Variants in CADM2 observed in about 807,000 individuals in gnomAD.
CADM2 encodes the protein cell adhesion molecule 2.
Under a neutral mutation model 49.8 loss-of-function variants are expected in CADM2, and 12 were observed. The ratio of observed to expected loss-of-function variants is 0.24; its 90% confidence interval spans 0.15 to 0.39. The LOEUF (loss-of-function observed/expected upper bound fraction) is 0.39, where lower values mean the gene tolerates loss of function less well. CADM2 is among the 10% of genes least tolerant of loss of function. CADM2 has a pLI of 1.00. For synonymous variants in CADM2, 214 were observed against 175.4 expected (o/e 1.22, Z -1.74); for missense variants, 378 against 492.3 (o/e 0.77, Z 2.20).
At chr3:85,166,518 T>C (rs2040474180) in intron 1 of CADM2, among the ~76,000 whole-genome samples, 1 of 151,850 alleles carries the variant, frequency 6.6e-6, no homozygotes, top group Non-Finnish European at 1.5e-5. Flanking sequence ...CATATTTCTA[T>C]TGCATCAAAA....
At chr3:85,604,189 A>G (rs149678679) in intron 1 of CADM2, among the ~76,000 whole-genome samples, 50 of 152,018 alleles carry the variant, frequency 3.3e-4, no homozygotes, top group African/African-American at 1.2e-3. Flanking sequence ...TTTTAAATAT[A>G]TTATTTTATT....
At chr3:85,538,852 C>T (rs185435792) in intron 1 of CADM2, among the ~76,000 whole-genome samples, 3 of 151,990 alleles carry the variant, frequency 2.0e-5, no homozygotes, top group Admixed American at 6.6e-5. Flanking sequence ...TAATCAGCTA[C>T]ACTGACCTTT....
chr3:86,049,704 G>A (rs529119327), intron 8 of CADM2, among the ~76,000 whole-genome samples: 157 of 152,262 alleles, frequency 1.0e-3, no homozygotes, highest in Non-Finnish European at 1.9e-3. Context: ...GAAGGCAAAG[G>A]GGGAAGGAGG....
intron 5 of CADM2, among the ~76,000 whole-genome samples, chr3:85,911,634 T>G (rs1717605991): frequency 6.6e-6 from 1 of 152,208 alleles, no homozygotes; most frequent in African/African-American, 2.4e-5. Flanking sequence ...ATGTTAAAGT[T>G]GTATTTCAAA....
intron 1 of CADM2, among the ~76,000 whole-genome samples, chr3:85,486,119 A>T (rs1444915908): frequency 6.6e-6 from 1 of 152,126 alleles, no homozygotes; most frequent in Non-Finnish European, 1.5e-5. Context: ...CATACAATTT[A>T]CAATCTTTTA....
intron 1 of CADM2, among the ~76,000 whole-genome samples, chr3:85,020,925 A>G (rs1158071139): frequency 1.3e-5 from 2 of 152,102 alleles, no homozygotes; most frequent in Non-Finnish European, 1.5e-5. Context: ...TTCAAAATTC[A>G]TATTATATGG....
intron 1 of CADM2, among the ~76,000 whole-genome samples, chr3:85,720,838 TC>T (rs1333012612): frequency 6.6e-6 from 1 of 152,184 alleles, no homozygotes; most frequent in Admixed American, 6.5e-5. Flanking sequence ...TATTTTAATT[TC>T]TGTGTCTTAA....
intron 2 of CADM2, among the ~76,000 whole-genome samples, chr3:85,771,473 C>T (rs1317611384): frequency 6.6e-6 from 1 of 152,006 alleles, no homozygotes; most frequent in Non-Finnish European, 1.5e-5. Context: ...GTTATTTGAG[C>T]AAAATATATA....
chr3:85,592,749 G>T (rs1005372684), intron 1 of CADM2, among the ~76,000 whole-genome samples: 2 of 151,764 alleles, frequency 1.3e-5, no homozygotes, highest in African/African-American at 4.8e-5. Context: ...TACATGTGCA[G>T]AACGTGCAGG....
intron 1 of CADM2, among the ~76,000 whole-genome samples, chr3:85,608,306 G>A (rs1228982862): frequency 6.6e-6 from 1 of 151,968 alleles, no homozygotes; most frequent in Non-Finnish European, 1.5e-5. Flanking sequence ...CTTAAATAGG[G>A]CCACCTATTA....
intron 2 of CADM2, among the ~76,000 whole-genome samples, chr3:85,744,638 T>C (rs529703928): frequency 1.1e-4 from 17 of 152,192 alleles, no homozygotes; most frequent in South Asian, 1.0e-3. Flanking sequence ...CATGAGGCTA[T>C]TGGGGGATGA....
chr3:85,243,707 G>A (rs1031763238), intron 1 of CADM2, among the ~76,000 whole-genome samples: 2 of 152,024 alleles, frequency 1.3e-5, no homozygotes, highest in African/African-American at 4.8e-5. Context: ...ATAACTGTAA[G>A]AGTGCTGTCT....
At chr3:85,746,418 A>G (rs865912256) in intron 2 of CADM2, among the ~76,000 whole-genome samples, 1 of 152,192 alleles carries the variant, frequency 6.6e-6, no homozygotes, top group South Asian at 2.1e-4. Flanking sequence ...AAAAATATGG[A>G]GAATTTGTAT....
At position 86,072,455 on chromosome 3, in the gene CADM2, A is replaced by G. The variant is rs1371913122; in HGVS notation, c.*5672A>G. On this transcript the variant is annotated 3_prime_UTR_variant, in exon 10 of 10. Transcript: ENST00000383699. ...TATTTTCCCCTACGAAATATACTGT[A>G]TATTTCAAAAGAAGAAAAGTTAAAA... 6.6e-6 allele frequency: 1 copy of G among 152,046 alleles called. No homozygotes were observed. Among genetic ancestry groups the G allele is most frequent in the East Asian group, 1.9e-4 (1 of 5,196 alleles). The allele number at this position is 152,046 out of a possible 1,614,324, so 9.4% of individuals were successfully genotyped here.
rs371450508 is a variant in CADM2 at position 85,773,162 on chromosome 3, A to G, written c.89-28885A>G. On this transcript the variant is annotated intron_variant, in intron 2 of 9. Coordinates refer to ENST00000383699, the MANE Select transcript of CADM2 (RefSeq NM_001167675.2). ...CCTTGTCATCTTCTTAAAACACAAAACAAAATAAAAAAGACCTGTCAAAAT... is the reference window on the plus strand; with the variant it reads ...CCTTGTCATCTTCTTAAAACACAAAGCAAAATAAAAAAGACCTGTCAAAAT... Among the ~76,000 whole-genome samples the G allele has an allele frequency of 5.2e-5, 7 of 134,554 alleles. No homozygotes were observed. The South Asian group carries it at 1.4e-3, about 26-fold the overall frequency. The allele number at this position is 134,554 out of a possible 152,430, so 88.3% of individuals were successfully genotyped here. A position where few individuals can be genotyped will look rare whatever the true frequency, so the allele number is the denominator to read the frequency against.
At chr3:85,809,457 G>C (rs2072672148) in intron 3 of CADM2, among the ~76,000 whole-genome samples, 1 of 151,940 alleles carries the variant, frequency 6.6e-6, no homozygotes, top group Non-Finnish European at 1.5e-5. Flanking sequence ...TGGGTGTGGT[G>C]GCATGCACCT....
At chr3:85,992,430 A>C (rs1391283114) in intron 8 of CADM2, 1 of 152,030 alleles carries the variant, frequency 6.6e-6, no homozygotes, top group South Asian at 2.1e-4. Context: ...ATTTTACAAT[A>C]TTTTTTGCAT....
chr3:85,541,247 T>C lies in CADM2; in HGVS notation c.62-185275T>C, dbSNP rs2061531315. 1.4e-5 allele frequency among the ~76,000 whole-genome samples: 2 copies of C among 147,216 alleles called. 1 individual carries two copies. Among genetic ancestry groups the C allele is most frequent in the South Asian group, 4.3e-4 (2 of 4,652 alleles). On this transcript the variant is annotated intron_variant, in intron 1 of 9. Coordinates refer to ENST00000383699, the MANE Select transcript of CADM2 (RefSeq NM_001167675.2). ...CATTTATTATATATGTGTGTATATA[T>C]AAACACAGATCATGTATGTGTATAT...
chr3:85,606,654 TGAA>T (rs1204347495), intron 1 of CADM2, among the ~76,000 whole-genome samples: 1 of 152,124 alleles, frequency 6.6e-6, no homozygotes, highest in African/African-American at 2.4e-5. Flanking sequence ...GGGTGATCAA[TGAA>T]GACTTCAGGG....
Sources: allele counts gnomAD v4.1 joint callset (sites outside exome capture counted in the v4.1 genomes callset), GRCh38; gene constraint gnomAD v4.1.1; transcripts MANE v1.5; gene names NCBI Gene and HGNC (gene_info 2026-07-23, HGNC 2026-07-21).